The following AUTS2 variants were observed in gnomAD, a reference collection of about 807,000 sequenced individuals.
AUTS2 encodes the protein activator of transcription and developmental regulator AUTS2.
Under a neutral mutation model 112.4 loss-of-function variants are expected in AUTS2, and 17 were observed. The ratio of observed to expected loss-of-function variants is 0.15; its 90% CI spans 0.10 to 0.23. The LOEUF (loss-of-function observed/expected upper bound fraction) is 0.23, where lower values mean the gene tolerates loss of function less well. Ranked by LOEUF, AUTS2 falls within the 10% of genes least tolerant of loss-of-function variation. The pLI, the probability that AUTS2 is intolerant of heterozygous loss-of-function variation, is 1.00. For synonymous variants in AUTS2, 751 were observed against 702.7 expected (o/e 1.07, Z -1.09); for missense variants, 1,510 against 1,701.6 (o/e 0.89, Z 1.98).
chr7:70,204,457 A>G (rs1157082055), intron 4 of AUTS2, among the ~76,000 whole-genome samples: 1 of 152,148 alleles, frequency 6.6e-6, no homozygotes, highest in Admixed American at 6.6e-5. Flanking sequence ...TTCAGCTTTG[A>G]TTGAAAGAGA....
At chr7:70,398,984 T>C (rs1258995539) in intron 4 of AUTS2, among the ~76,000 whole-genome samples, 5 of 150,766 alleles carry the variant, frequency 3.3e-5, no homozygotes, top group African/African-American at 9.7e-5. Flanking sequence ...GTCTTTCTTT[T>C]TTTTTTTTTT....
chr7:70,778,674 C>A (rs898719077), intron 14 of AUTS2, among the ~76,000 whole-genome samples: 1 of 152,054 alleles, frequency 6.6e-6, no homozygotes, highest in Non-Finnish European at 1.5e-5. Context: ...TTGTCAGATA[C>A]CTGCTCTTTC....
intron 5 of AUTS2, among the ~76,000 whole-genome samples, chr7:70,669,518 C>T (rs559473617): frequency 5.3e-4 from 81 of 152,238 alleles, no homozygotes; most frequent in African/African-American, 1.9e-3. Context: ...CCAGCACCCT[C>T]GAATTATAGG....
At chr7:70,772,808 A>C (rs2129558475) in intron 11 of AUTS2, among the ~76,000 whole-genome samples, 1 of 152,346 alleles carries the variant, frequency 6.6e-6, no homozygotes, top group East Asian at 1.9e-4. Context: ...GTCTGGAGAT[A>C]AAATGATGGT....
chr7:70,668,688 A>G (rs1443508624), intron 5 of AUTS2, among the ~76,000 whole-genome samples: 1 of 152,198 alleles, frequency 6.6e-6, no homozygotes, highest in East Asian at 1.9e-4. Context: ...TAAGTTTATC[A>G]CGTTAGGCAG....
At chr7:70,246,140 A>G (rs1012835521) in intron 4 of AUTS2, among the ~76,000 whole-genome samples, 3 of 152,040 alleles carry the variant, frequency 2.0e-5, no homozygotes, top group Non-Finnish European at 2.9e-5. Context: ...AACATTTCCT[A>G]AGTTATGGTT....
In AUTS2 at chr7:69,909,654, G is replaced by A. The variant is rs953240958; in HGVS notation, c.522+10156G>A. ...ATAAAAATATTATAATTGAATTTAC[G>A]ATTTTGATTCCACAAATTCAAAAAG... On this transcript the variant is annotated intron_variant, in intron 2 of 18. Transcript: ENST00000342771. Among the ~76,000 whole-genome samples the A allele has an allele frequency of 3.9e-5, 6 of 152,008 alleles. No individual in the cohort carries two copies. The South Asian group carries it at 6.2e-4, about 16-fold the overall frequency.
rs557136355 is a variant in AUTS2, at chr7:69,650,177, T to C, written c.309+50215T>C. Among the ~76,000 whole-genome samples the C allele has an allele frequency of 3.9e-5, 6 of 152,328 alleles. No homozygotes were observed. The South Asian group carries it at 8.3e-4, about 21-fold the overall frequency. ...CTATTCCCATGCTGTTTTTCTAAAA[T>C]TGTGCTCTGATGGCCATTTTGGAAG... is the stretch of plus-strand genomic sequence containing the variant. On this transcript the variant is annotated intron_variant, in intron 1 of 18. Transcript: ENST00000342771.
intron 4 of AUTS2, among the ~76,000 whole-genome samples, chr7:70,186,381 A>G (rs1809605838): frequency 1.3e-5 from 2 of 152,090 alleles, no homozygotes; most frequent in African/African-American, 2.4e-5. Flanking sequence ...GCTTAAGATA[A>G]CATCATTTTA....
Position 70,764,371 on chromosome 7 carries a change from T to G in AUTS2, c.1215-381T>G, listed in dbSNP as rs1352502119. Among the ~76,000 whole-genome samples the G allele has an allele frequency of 2.0e-5, 3 of 152,164 alleles. No individual in the cohort carries two copies. The East Asian group carries it at 5.8e-4, about 29-fold the overall frequency. ...GAACTCAGATCATCGCTTTTTTTAT[T>G]CCTTTTTGTTAACCGTTGCTTTATA... On this transcript the variant is annotated intron_variant, in intron 7 of 18. Coordinates refer to ENST00000342771, the MANE Select transcript of AUTS2 (RefSeq NM_015570.4).
At chr7:69,874,291 C>T (rs1793631480) in intron 1 of AUTS2, among the ~76,000 whole-genome samples, 1 of 151,950 alleles carries the variant, frequency 6.6e-6, no homozygotes, top group Non-Finnish European at 1.5e-5. Flanking sequence ...AGTAGTTTAG[C>T]ATGTCTGGAG....
chr7:70,669,971 G>T (rs1478718775), intron 5 of AUTS2, among the ~76,000 whole-genome samples: 3 of 152,204 alleles, frequency 2.0e-5, no homozygotes. Flanking sequence ...TCACATACTT[G>T]TAGAGTGGCC....
intron 5 of AUTS2, among the ~76,000 whole-genome samples, chr7:70,457,733 C>T (rs1038153262): frequency 1.3e-5 from 2 of 152,102 alleles, no homozygotes; most frequent in African/African-American, 2.4e-5. Flanking sequence ...CATACAGAGC[C>T]GCAGATGCCT....
chr7:69,989,672 T>C (rs1798659305), intron 2 of AUTS2, among the ~76,000 whole-genome samples: 1 of 152,140 alleles, frequency 6.6e-6, no homozygotes, highest in Non-Finnish European at 1.5e-5. Flanking sequence ...TGAATGCAAC[T>C]GGACATCAAG....
intron 1 of AUTS2, among the ~76,000 whole-genome samples, chr7:69,746,928 G>T (rs960560891): frequency 6.6e-6 from 1 of 152,152 alleles, no homozygotes; most frequent in African/African-American, 2.4e-5. Flanking sequence ...GATGCTGCCT[G>T]CCTAAGGCTG....
intron 1 of AUTS2, among the ~76,000 whole-genome samples, chr7:69,779,535 A>G (rs1461920735): frequency 6.6e-6 from 1 of 152,038 alleles, no homozygotes; most frequent in East Asian, 1.9e-4. Flanking sequence ...AGGCCGAGGA[A>G]GGCAGATCAT....
chr7:70,722,042 TTTTC>T (rs1194785212), intron 6 of AUTS2, among the ~76,000 whole-genome samples: 1 of 152,126 alleles, frequency 6.6e-6, no homozygotes, highest in Non-Finnish European at 1.5e-5. Flanking sequence ...GAGCTTTTTT[TTTTC>T]TTTCATTTTT....
At chr7:69,849,727 A>G (rs1792374758) in intron 1 of AUTS2, among the ~76,000 whole-genome samples, 1 of 152,126 alleles carries the variant, frequency 6.6e-6, no homozygotes, top group Non-Finnish European at 1.5e-5. Flanking sequence ...TTTTAAACTC[A>G]CTGTAATGCT....
chr7:69,886,225 C>T (rs1014473958), intron 1 of AUTS2, among the ~76,000 whole-genome samples: 2 of 152,160 alleles, frequency 1.3e-5, no homozygotes, highest in African/African-American at 4.8e-5. Context: ...TACTAATAGG[C>T]ATATATGCAC....
Sources: gnomAD v4.1 joint callset for allele counts (sites outside exome capture counted in the v4.1 genomes callset) on GRCh38, gnomAD v4.1.1 for gene constraint, MANE v1.5 for transcripts, NCBI Gene and HGNC (gene_info 2026-07-23, HGNC 2026-07-21) for gene names.